UNC5C: variants seen among roughly 807,000 people sequenced by gnomAD.
UNC5C encodes unc-5 netrin receptor C.
A neutral mutation model predicts 99.8 loss-of-function variants in UNC5C; 47 were observed. The ratio of observed to expected loss-of-function variants is 0.47; its 90% CI spans 0.37 to 0.60. The LOEUF is 0.60. UNC5C is among the 20% of genes least tolerant of loss of function. The pLI, the probability that UNC5C is intolerant of heterozygous loss-of-function variation, is 0.00. For missense variants in UNC5C, 1,062 were observed against 1,165.9 expected (o/e 0.91, Z 1.30); for synonymous variants, 487 against 452.2 (o/e 1.08, Z -0.98).
At chr4:95,262,762 G>A (rs1055560932) in intron 4 of UNC5C, among the ~76,000 whole-genome samples, 1 of 151,830 alleles carries the variant, frequency 6.6e-6, no homozygotes, top group African/African-American at 2.4e-5. Context: ...AACCTATGGG[G>A]GAAATGGCAT....
At chr4:95,225,724 A>G (rs1220247585) in intron 7 of UNC5C, among the ~76,000 whole-genome samples, 1 of 152,154 alleles carries the variant, frequency 6.6e-6, no homozygotes, top group East Asian at 1.9e-4. Context: ...CCAAACTCTT[A>G]TTTTCCTACA....
At chr4:95,230,243 T>C (rs1738862317) in intron 7 of UNC5C, among the ~76,000 whole-genome samples, 1 of 152,236 alleles carries the variant, frequency 6.6e-6, no homozygotes, top group African/African-American at 2.4e-5. Context: ...ATAAATGTCT[T>C]CTTTTGAGAA....
intron 7 of UNC5C, among the ~76,000 whole-genome samples, chr4:95,226,587 G>C: frequency 6.6e-6 from 1 of 152,154 alleles, no homozygotes; most frequent in East Asian, 1.9e-4. Flanking sequence ...TTATTACATA[G>C]ACAGGGAGCC....
chr4:95,448,221 T>A (rs1040788192), intron 1 of UNC5C, among the ~76,000 whole-genome samples: 17,479 of 105,178 alleles, frequency 0.17, 1,450 homozygotes, highest in Non-Finnish European at 0.23. Flanking sequence ...TGTGTGTGTG[T>A]GTGTGTGAGA....
At chr4:95,336,454 A>T (rs997657025) in intron 1 of UNC5C, among the ~76,000 whole-genome samples, 6 of 151,866 alleles carry the variant, frequency 4.0e-5, no homozygotes, top group Non-Finnish European at 8.8e-5. Context: ...CAAAATTAAA[A>T]TTTTTTTACA....
intron 1 of UNC5C, among the ~76,000 whole-genome samples, chr4:95,388,038 G>A (rs1027980502): frequency 2.0e-5 from 3 of 152,050 alleles, no homozygotes; most frequent in Admixed American, 6.6e-5. Context: ...TAGCAGAGAT[G>A]AACTATTTTT....
At chr4:95,291,645 G>A (rs1741458065) in intron 3 of UNC5C, among the ~76,000 whole-genome samples, 1 of 151,962 alleles carries the variant, frequency 6.6e-6, no homozygotes, top group South Asian at 2.1e-4. Flanking sequence ...AAGCAAATAT[G>A]TTTGAAAAAA....
At chr4:95,547,321 T>C (rs1723096621) in intron 1 of UNC5C, among the ~76,000 whole-genome samples, 1 of 152,034 alleles carries the variant, frequency 6.6e-6, no homozygotes, top group Admixed American at 6.5e-5. Context: ...TCACAAAGCC[T>C]TGCTAATCAC....
At chr4:95,514,681 A>ATT (rs997833935) in intron 1 of UNC5C, among the ~76,000 whole-genome samples, 120 of 149,704 alleles carry the variant, frequency 8.0e-4, no homozygotes, top group African/African-American at 2.8e-3. Flanking sequence ...ATATATATAT[A>ATT]TTTTTCCTTG....
At chr4:95,473,930 T>C (rs757318240) in intron 1 of UNC5C, among the ~76,000 whole-genome samples, 14 of 152,068 alleles carry the variant, frequency 9.2e-5, no homozygotes, top group African/African-American at 3.1e-4. Flanking sequence ...CTGAGATAGA[T>C]CACAGGGCCT....
At chr4:95,188,699 CAAAT>C (rs1016576283) in intron 12 of UNC5C, among the ~76,000 whole-genome samples, 3 of 152,168 alleles carry the variant, frequency 2.0e-5, no homozygotes, top group African/African-American at 7.2e-5. Flanking sequence ...AGAAAAATAA[CAAAT>C]ATACAACTCA....
At position 95,182,852 on chromosome 4, in the gene UNC5C, A is replaced by G. The variant is rs1031850312; in HGVS notation, c.2451+45T>C. On this transcript the variant is annotated intron_variant, in intron 14 of 15. Transcript: ENST00000453304. The stretch of plus-strand genomic sequence containing the variant: ...TTAGCCCACACACTCTGTCTTCCTG[A>G]GTGTCGCACTCTCCCCTGATTTCAG... 5.7e-6 allele frequency: 9 copies of G among 1,574,334 alleles called. No homozygotes were observed. In the African/African-American group the frequency reaches 1.1e-4, roughly 19 times the overall value.
At chr4:95,426,537 C>T (rs922156495) in intron 1 of UNC5C, among the ~76,000 whole-genome samples, 2 of 152,174 alleles carry the variant, frequency 1.3e-5, no homozygotes, top group Non-Finnish European at 2.9e-5. Context: ...TGCCAAAATT[C>T]AAGAGAGGCT....
chr4:95,315,463 A>G (rs1183419564), intron 2 of UNC5C, among the ~76,000 whole-genome samples: 13 of 152,190 alleles, frequency 8.5e-5, no homozygotes, highest in Admixed American at 8.5e-4. Flanking sequence ...TCCCACTATG[A>G]GCTCCAATTC....
intron 1 of UNC5C, among the ~76,000 whole-genome samples, chr4:95,536,178 T>C (rs1317512092): frequency 1.3e-5 from 2 of 151,572 alleles, no homozygotes; most frequent in Non-Finnish European, 2.9e-5. Context: ...CCTGTTCAAG[T>C]GATTCTCCTG....
intron 1 of UNC5C, among the ~76,000 whole-genome samples, chr4:95,511,980 A>G (rs78073988): frequency 6.6e-6 from 1 of 152,052 alleles, no homozygotes. Flanking sequence ...GTATGTGACT[A>G]CTTGTTAGAT....
At chr4:95,431,542 TA>T (rs57907726) in intron 1 of UNC5C, among the ~76,000 whole-genome samples, 18 of 151,068 alleles carry the variant, frequency 1.2e-4, no homozygotes, top group Middle Eastern at 3.4e-3. Context: ...GGGTAAAGAC[TA>T]AAAAAAAATG....
intron 1 of UNC5C, among the ~76,000 whole-genome samples, chr4:95,457,783 CAAG>C (rs1747484574): frequency 6.6e-6 from 1 of 152,032 alleles, no homozygotes; most frequent in Non-Finnish European, 1.5e-5. Context: ...GGACTTACAG[CAAG>C]AAAACAGCGA....
At chr4:95,425,334 T>A (rs1469570659) in intron 1 of UNC5C, among the ~76,000 whole-genome samples, 1 of 152,266 alleles carries the variant, frequency 6.6e-6, no homozygotes, top group Admixed American at 6.5e-5. Context: ...TGTCATTTTA[T>A]TTTTTGAGAC....
Sources: allele counts gnomAD v4.1 joint callset (sites outside exome capture counted in the v4.1 genomes callset), GRCh38; gene constraint gnomAD v4.1.1; transcripts MANE v1.5; gene names NCBI Gene and HGNC (gene_info 2026-07-23, HGNC 2026-07-21).